The following CNTNAP3 variants were observed in gnomAD, a reference collection of about 807,000 sequenced individuals.
CNTNAP3 encodes contactin-associated protein-like 3.
Under a neutral mutation model 92.1 loss-of-function variants are expected in CNTNAP3, and 36 were observed. The observed-to-expected ratio is 0.39, with a 90% confidence interval of 0.30 to 0.52. CNTNAP3 has a LOEUF of 0.52. Among genes scored for constraint, CNTNAP3 ranks in the 20% least tolerant of loss-of-function variants. CNTNAP3 has a pLI of 0.76. For missense variants in CNTNAP3, 534 were observed against 1,069.6 expected (o/e 0.50, Z 6.98); for synonymous variants, 232 against 422.3 (o/e 0.55, Z 5.53).
At chr9:39,111,015 T>C (rs1288689624) in intron 14 of CNTNAP3, among the ~76,000 whole-genome samples, 10 of 152,264 alleles carry the variant, frequency 6.6e-5, no homozygotes, top group African/African-American at 2.4e-4. Flanking sequence ...CACTTTTGTA[T>C]TTTCAAAATA....
At chr9:39,125,642 A>T (rs1181052011) in intron 13 of CNTNAP3, among the ~76,000 whole-genome samples, 1 of 152,104 alleles carries the variant, frequency 6.6e-6, no homozygotes, top group African/African-American at 2.4e-5. Flanking sequence ...AGAAAGATAT[A>T]CCATGGTAAC....
chr9:39,147,613 A>G (rs533982058), intron 10 of CNTNAP3, among the ~76,000 whole-genome samples: 70 of 152,192 alleles, frequency 4.6e-4, no homozygotes, highest in Non-Finnish European at 8.8e-4. Context: ...TATTGTACAC[A>G]TCATGACTGA....
intron 13 of CNTNAP3, among the ~76,000 whole-genome samples, chr9:39,120,574 G>A (rs1403155993): frequency 6.6e-6 from 1 of 152,116 alleles, no homozygotes; most frequent in Non-Finnish European, 1.5e-5. Context: ...GGAGGCTGAG[G>A]CAGGAGAATG....
chr9:39,114,001 CAT>C (rs1336806919), intron 14 of CNTNAP3, among the ~76,000 whole-genome samples: 53 of 142,760 alleles, frequency 3.7e-4, no homozygotes, highest in African/African-American at 1.4e-3. Flanking sequence ...TACACACACA[CAT>C]ATATATACAC....
rs549375588 is a variant in CNTNAP3 at position 39,133,023 on chromosome 9, C to G, written c.1989G>C (p.Ala663=). The stretch of plus-strand genomic sequence containing the variant: ...GGTTCACCGCGGACCGCAGCTGCCC[C>G]GCGCCCGCTGCGTACGCGAAGGACA... ...SAVSFAYAAG[A]GQLRSAVNLA... The change falls in exon 13 of 24, where the codon GCG becomes GCC. Residue 663 remains alanine, a synonymous_variant. Coordinates refer to ENST00000297668, the MANE Select transcript of CNTNAP3 (RefSeq NM_033655.5). The G allele has an allele frequency of 2.6e-6, 4 of 1,542,294 alleles. No homozygotes were observed. The highest frequency in any genetic ancestry group is 3.9e-5 in the Admixed American group (2 of 51,110).
rs889032421 is a variant in CNTNAP3 at position 39,122,248 on chromosome 9, G to A, written c.2081-3989C>T. On this transcript the variant is annotated intron_variant, in intron 13 of 23. Coordinates refer to ENST00000297668, the MANE Select transcript of CNTNAP3 (RefSeq NM_033655.5). The stretch of plus-strand genomic sequence containing the variant: ...CGGGCGCCTGTAGTCCCAGCTACTC[G>A]GGAGGCTGAGGCGGGAGAATGACGT... 7.9e-5 allele frequency among the ~76,000 whole-genome samples: 12 copies of A among 152,364 alleles called. No homozygotes were observed. The South Asian group carries it at 1.4e-3, about 18-fold the overall frequency.
Position 39,144,224 on chromosome 9 carries a change from G to C in CNTNAP3, c.1756+16C>G, listed in dbSNP as rs763558484. On this transcript the variant is annotated intron_variant, in intron 11 of 23. Coordinates refer to ENST00000297668, the MANE Select transcript of CNTNAP3 (RefSeq NM_033655.5). ...AAGAGATGCTGACAGAAACGAGAGG[G>C]AGGCGTGAGGCTTACAGGAATGGCA... 3.1e-5 allele frequency: 49 copies of C among 1,584,778 alleles called. No homozygotes were observed. Among genetic ancestry groups the C allele is most frequent in the Admixed American group, 1.3e-4 (7 of 55,508 alleles).
intron 13 of CNTNAP3, 69 bp from the exon 14 acceptor site, chr9:39,118,328 C>T: frequency 1.2e-6 from 2 of 1,600,698 alleles, no homozygotes; most frequent in Non-Finnish European, 1.7e-6. Flanking sequence ...ATATAGCTCC[C>T]TTTACTCCCA....
intron 13 of CNTNAP3, among the ~76,000 whole-genome samples, chr9:39,118,606 A>C (rs1176589405): frequency 3.9e-5 from 6 of 152,050 alleles, no homozygotes; most frequent in African/African-American, 1.5e-4. Flanking sequence ...GATAAAATCT[A>C]TTTGAAATTA....
At chr9:39,093,627 C>T (rs1233553752) in intron 18 of CNTNAP3, among the ~76,000 whole-genome samples, 1 of 151,276 alleles carries the variant, frequency 6.6e-6, no homozygotes. Context: ...AATATCTGCC[C>T]TCTTGGGTCT....
At position 39,100,166 on chromosome 9, in the gene CNTNAP3, T is replaced by C. The variant is rs775762014; in HGVS notation, c.2756-16A>G. 6 of 1,555,422 alleles carry C rather than the reference T, an allele frequency of 3.9e-6. No homozygotes were observed. In the Admixed American group the frequency reaches 7.6e-5, roughly 20 times the overall value. On this transcript the variant is annotated splice_polypyrimidine_tract_variant and intron_variant, in intron 17 of 23. Transcript: ENST00000297668. ...GCCGTTCCACCTACAACGGAAACAC[T>C]GCAAATAGAAATGTGTTCCTTGGTA...
intron 13 of CNTNAP3, among the ~76,000 whole-genome samples, chr9:39,127,344 A>G (rs1195103199): frequency 6.6e-6 from 1 of 152,052 alleles, no homozygotes; most frequent in African/African-American, 2.4e-5. Context: ...AAAGCCCTAA[A>G]GCCAATAATG....
At chr9:39,132,877 C>G in intron 13 of CNTNAP3, 55 bp downstream of exon 13, 1 of 1,495,248 alleles carries the variant, frequency 6.7e-7, no homozygotes, top group Non-Finnish European at 8.8e-7. Context: ...TCTCGCAGCC[C>G]GAGGGCCGCG....
At chr9:39,108,278 C>G (rs1026388219) in intron 15 of CNTNAP3, among the ~76,000 whole-genome samples, 8 of 152,082 alleles carry the variant, frequency 5.3e-5, no homozygotes, top group African/African-American at 4.8e-5. Context: ...CCGGTCCCCC[C>G]CCTCTCTGGG....
rs1346455040 is a variant in CNTNAP3, at chr9:39,285,604, C to T, written c.85+2376G>A. On this transcript the variant is annotated intron_variant, in intron 1 of 23. Transcript: ENST00000297668. Reference sequence around the variant, plus strand: ...TGGTGGGATCTCGGCTCACTGCAACCTCCATCTCCCAGGTTCAAGCGATTC... The same window carrying T: ...TGGTGGGATCTCGGCTCACTGCAACTTCCATCTCCCAGGTTCAAGCGATTC... 6.7e-4 allele frequency among the ~76,000 whole-genome samples: 32 copies of T among 47,652 alleles called. 10 individuals carry two copies. The highest frequency in any genetic ancestry group is 1.5e-3 in the African/African-American group (32 of 21,436). The allele number at this position is 47,652 out of a possible 152,430, so 31.3% of individuals were successfully genotyped here.
chr9:39,065,914 C>T lies in CNTNAP3; in HGVS notation c.*7976G>A, dbSNP rs1240764499. The stretch of plus-strand genomic sequence containing the variant: ...TATTTTCTCCCAGTCTGTAGCTTGA[C>T]TCTTATTCTCTTAACAATGTATTTT... On this transcript the variant is annotated 3_prime_UTR_variant, in exon 24 of 24. Transcript: ENST00000297668. Among the ~76,000 whole-genome samples, 1 of 152,178 alleles carries T rather than the reference C, an allele frequency of 6.6e-6. No individual in the cohort carries two copies. Among genetic ancestry groups the T allele is most frequent in the East Asian group, 1.9e-4 (1 of 5,208 alleles).
rs188965150 is a variant in CNTNAP3 at position 39,140,154 on chromosome 9, A to G, written c.1876+365T>C. Reference sequence around the variant, plus strand: ...ACTAAATTATTTAAGATGCACATAGAACATTAACATATCTATGTTATTTCT... The same window carrying G: ...ACTAAATTATTTAAGATGCACATAGGACATTAACATATCTATGTTATTTCT... On this transcript the variant is annotated intron_variant, in intron 12 of 23. Transcript: ENST00000297668. The G allele has an allele frequency of 4.2e-3, 683 of 163,594 alleles. 8 individuals are homozygous for G. Among genetic ancestry groups the G allele is most frequent in the African/African-American group, 0.016 (653 of 41,780 alleles). The allele number at this position is 163,594 out of a possible 1,614,324, so 10.1% of individuals were successfully genotyped here.
In CNTNAP3 at chr9:39,121,144, T is replaced by A. The variant is rs550093519; in HGVS notation, c.2081-2885A>T. Among the ~76,000 whole-genome samples the A allele has an allele frequency of 2.6e-3, 380 of 147,460 alleles. 4 individuals are homozygous for A. Among genetic ancestry groups the A allele is most frequent in the African/African-American group, 9.2e-3 (359 of 38,834 alleles). On this transcript the variant is annotated intron_variant, in intron 13 of 23. Transcript: ENST00000297668. ...GTTGGCAGAATCAACTGAAAAAAAA[T>A]AACACAACGAGAAATTTATAAGAAA...
intron 18 of CNTNAP3, among the ~76,000 whole-genome samples, chr9:39,092,398 C>G (rs1826226121): frequency 7.3e-6 from 1 of 136,276 alleles, no homozygotes; most frequent in Non-Finnish European, 1.6e-5. Context: ...TTAAAATTCC[C>G]TCTAAACCCT....
Sources: gnomAD v4.1 joint callset for allele counts (sites outside exome capture counted in the v4.1 genomes callset) on GRCh38, gnomAD v4.1.1 for gene constraint, MANE v1.5 for transcripts, NCBI Gene and HGNC (gene_info 2026-07-23, HGNC 2026-07-21) for gene names.